PRICKLE2: variants seen among roughly 807,000 people sequenced by gnomAD.
PRICKLE2 encodes the protein prickle planar cell polarity protein 2.
In PRICKLE2, 21 loss-of-function variants were observed where a neutral mutation model predicts 81.4. That is an observed-to-expected ratio of 0.26 (90% CI 0.18 to 0.37). PRICKLE2 has a LOEUF of 0.37. Ranked by LOEUF, PRICKLE2 falls within the 10% of genes least tolerant of loss-of-function variation. The pLI, the probability that PRICKLE2 is intolerant of heterozygous loss-of-function variation, is 1.00. For synonymous variants in PRICKLE2, 456 were observed against 421.5 expected (o/e 1.08, Z -1.00); for missense variants, 940 against 1,109.0 (o/e 0.85, Z 2.16).
At position 64,249,386 on chromosome 3, in the gene PRICKLE2, A is replaced by G. The variant is rs1036481714; in HGVS notation, c.129-50419T>C. Among the ~76,000 whole-genome samples the G allele has an allele frequency of 4.9e-4, 75 of 152,184 alleles. 1 individual carries two copies. Among genetic ancestry groups the G allele is most frequent in the African/African-American group, 1.7e-3 (69 of 41,454 alleles). ...CAAGCCCTTCTCCCAACATGGGGGG[A>G]TTACAATTCGACATGAGATTTGGGT... On this transcript the variant is annotated intron_variant, in intron 2 of 8. Transcript: ENST00000295902.
intron 2 of PRICKLE2, among the ~76,000 whole-genome samples, chr3:64,196,861 C>T (rs929625478): frequency 6.6e-6 from 1 of 152,126 alleles, no homozygotes; most frequent in Non-Finnish European, 1.5e-5. Flanking sequence ...CAACTCCAAC[C>T]AATTATATCC....
intron 2 of PRICKLE2, chr3:64,194,253 C>T (rs2078406416): frequency 6.6e-6 from 1 of 152,230 alleles, no homozygotes; most frequent in Non-Finnish European, 1.5e-5. Flanking sequence ...CTTTTTCACT[C>T]TGCTGAATAC....
chr3:64,146,088 T>C (rs1439108324), intron 7 of PRICKLE2: 1 of 152,238 alleles, frequency 6.6e-6, no homozygotes, highest in Non-Finnish European at 1.5e-5. Context: ...CATCCCTTTG[T>C]CACTCCTCAG....
At chr3:64,219,677 A>G (rs565646552) in intron 1 of PRICKLE2, among the ~76,000 whole-genome samples, 1 of 152,236 alleles carries the variant, frequency 6.6e-6, no homozygotes, top group Non-Finnish European at 1.5e-5. Context: ...TTCAATGGCT[A>G]AATAATGAGG....
At position 64,197,933 on chromosome 3, in the gene PRICKLE2, C is replaced by T. The variant is rs188687420; in HGVS notation, c.144+851G>A. On this transcript the variant is annotated intron_variant, in intron 2 of 7. Coordinates refer to ENST00000638394, the MANE Select transcript of PRICKLE2 (RefSeq NM_198859.4). Reference sequence around the variant, plus strand: ...AGTTAAAATTTCAAGGGCTGATGGCCGGGTGTGGTGGCTCACGCCTGTAAT... The same window carrying T: ...AGTTAAAATTTCAAGGGCTGATGGCTGGGTGTGGTGGCTCACGCCTGTAAT... Among the ~76,000 whole-genome samples, 261 of 151,976 alleles carry T rather than the reference C, an allele frequency of 1.7e-3. 1 individual carries two copies. The highest frequency in any genetic ancestry group is 6.8e-3 in the Middle Eastern group (2 of 292).
chr3:64,178,504 G>C (rs2078062715), intron 2 of PRICKLE2, among the ~76,000 whole-genome samples: 1 of 152,184 alleles, frequency 6.6e-6, no homozygotes, highest in African/African-American at 2.4e-5. Context: ...CAAGTCTCAT[G>C]GACATGCCTA....
intron 2 of PRICKLE2, among the ~76,000 whole-genome samples, chr3:64,172,744 CTATATT>C (rs1387979427): frequency 6.6e-6 from 1 of 152,124 alleles, no homozygotes; most frequent in African/African-American, 2.4e-5. Flanking sequence ...CTATGTGTGA[CTATATT>C]TATAGATAGG....
chr3:64,171,339 G>A (rs2077927276), intron 2 of PRICKLE2, among the ~76,000 whole-genome samples: 1 of 152,176 alleles, frequency 6.6e-6, no homozygotes, highest in Middle Eastern at 3.2e-3. Context: ...AACTTGGGGA[G>A]GGAGCTGCTT....
intron 2 of PRICKLE2, among the ~76,000 whole-genome samples, chr3:64,168,810 C>T (rs1015462698): frequency 6.6e-6 from 1 of 152,116 alleles, no homozygotes; most frequent in South Asian, 2.1e-4. Flanking sequence ...CGTGGCTGAC[C>T]ACAGAAACGA....
intron 2 of PRICKLE2, among the ~76,000 whole-genome samples, chr3:64,244,821 C>T (rs1213223731): frequency 6.6e-6 from 1 of 152,116 alleles, no homozygotes; most frequent in African/African-American, 2.4e-5. Context: ...AGAGCAGTAT[C>T]ATTACATATG....
chr3:64,233,729 C>A (rs959169256), intron 2 of PRICKLE2, among the ~76,000 whole-genome samples: 1 of 152,136 alleles, frequency 6.6e-6, no homozygotes, highest in Non-Finnish European at 1.5e-5. Context: ...ATACAGCTCA[C>A]CCATTTAAGT....
chr3:64,108,007 C>T (rs908990422), intron 7 of PRICKLE2, among the ~76,000 whole-genome samples: 5 of 152,154 alleles, frequency 3.3e-5, no homozygotes, highest in Non-Finnish European at 5.9e-5. Context: ...TTTAGAACAG[C>T]GGTTTGCAAA....
chr3:64,102,124 A>T (rs1333611424), intron 7 of PRICKLE2: 1 of 152,246 alleles, frequency 6.6e-6, no homozygotes, highest in African/African-American at 2.4e-5. Flanking sequence ...TAGTCTTAAG[A>T]CCAGACAAGA....
At chr3:64,150,451 G>A (rs574533857) in intron 6 of PRICKLE2, among the ~76,000 whole-genome samples, 1 of 152,234 alleles carries the variant, frequency 6.6e-6, no homozygotes, top group East Asian at 1.9e-4. Context: ...CTGAAAGCCT[G>A]CCTCTCTCTT....
At chr3:64,181,456 T>C (rs994728527) in intron 2 of PRICKLE2, among the ~76,000 whole-genome samples, 2 of 152,168 alleles carry the variant, frequency 1.3e-5, no homozygotes, top group African/African-American at 2.4e-5. Flanking sequence ...GCCAACAACA[T>C]TGCCTTACTC....
chr3:64,250,501 C>T (rs866461177), intron 2 of PRICKLE2, among the ~76,000 whole-genome samples: 10 of 151,978 alleles, frequency 6.6e-5, no homozygotes, highest in African/African-American at 2.4e-4. Context: ...ACCAGAGCAT[C>T]CCACACTCTT....
intron 7 of PRICKLE2, among the ~76,000 whole-genome samples, chr3:64,105,152 G>A (rs988380645): frequency 1.3e-5 from 2 of 152,054 alleles, no homozygotes; most frequent in Non-Finnish European, 2.9e-5. Context: ...TTGCATGCCT[G>A]ACTTCTGTTT....
chr3:64,267,252 G>A (rs1329813893), intron 2 of PRICKLE2, among the ~76,000 whole-genome samples: 1 of 152,062 alleles, frequency 6.6e-6, no homozygotes, highest in African/African-American at 2.4e-5. Flanking sequence ...CCCATGTAGA[G>A]CTAGGAAGGG....
At chr3:64,132,945 G>C (rs184528451) in intron 7 of PRICKLE2, among the ~76,000 whole-genome samples, 21 of 152,298 alleles carry the variant, frequency 1.4e-4, no homozygotes, top group Admixed American at 8.5e-4. Flanking sequence ...AAGACTTTGA[G>C]TTCATCTCTG....
Sources: allele counts gnomAD v4.1 joint callset (sites outside exome capture counted in the v4.1 genomes callset), GRCh38; gene constraint gnomAD v4.1.1; transcripts MANE v1.5; gene names NCBI Gene and HGNC (gene_info 2026-07-23, HGNC 2026-07-21).